Variants in EXOC4 observed in about 807,000 individuals in gnomAD.
EXOC4 encodes exocyst complex component 4.
Under a neutral mutation model 107.2 loss-of-function variants are expected in EXOC4, and 71 were observed. That is an observed-to-expected ratio of 0.66 (90% CI 0.55 to 0.81). The LOEUF is 0.81. Ranked by LOEUF, EXOC4 falls within the 30% of genes least tolerant of loss-of-function variation. The pLI, the probability that EXOC4 is intolerant of heterozygous loss-of-function variation, is 0.00. For synonymous variants in EXOC4, 456 were observed against 441.2 expected, an observed-to-expected ratio of 1.03 and a Z score of -0.42; for missense variants, 1,108 against 1,189.6, an observed-to-expected ratio of 0.93 and a Z score of 1.01.
chr7:133,979,149 G>A (rs1336023118), intron 14 of EXOC4, among the ~76,000 whole-genome samples: 3 of 152,140 alleles, frequency 2.0e-5, no homozygotes, highest in African/African-American at 7.2e-5. Flanking sequence ...GTGTTTTTAT[G>A]TATATATTAA....
At chr7:133,937,153 TTGTAACCCCC>T (rs1475022097) in intron 13 of EXOC4, among the ~76,000 whole-genome samples, 1 of 152,150 alleles carries the variant, frequency 6.6e-6, no homozygotes, top group Non-Finnish European at 1.5e-5. Context: ...GCTTCATCCT[TTGTAACCCCC>T]TGTAACTTGA....
intron 5 of EXOC4, among the ~76,000 whole-genome samples, chr7:133,329,597 T>C (rs768967842): frequency 2.0e-5 from 3 of 152,242 alleles, no homozygotes; most frequent in Non-Finnish European, 4.4e-5. Context: ...GACCTTCAGA[T>C]GGGGTCTCTG....
intron 13 of EXOC4, among the ~76,000 whole-genome samples, chr7:133,928,915 G>T (rs1361965495): frequency 1.4e-5 from 2 of 138,426 alleles, no homozygotes; most frequent in South Asian, 2.6e-4. Context: ...TTTAGAAACA[G>T]TAGTACCTTT....
chr7:133,506,043 A>T (rs1304125495), intron 9 of EXOC4, among the ~76,000 whole-genome samples: 1 of 152,192 alleles, frequency 6.6e-6, no homozygotes. Context: ...AGAGTTTTTT[A>T]AAAATGAGAG....
At chr7:133,881,169 C>T (rs1798958067) in intron 11 of EXOC4, among the ~76,000 whole-genome samples, 1 of 152,012 alleles carries the variant, frequency 6.6e-6, no homozygotes, top group African/African-American at 2.4e-5. Context: ...TGTTCAAGTA[C>T]TCTGTGTGTG....
intron 10 of EXOC4, among the ~76,000 whole-genome samples, chr7:133,723,593 G>A (rs187505246): frequency 5.3e-5 from 8 of 152,036 alleles, no homozygotes; most frequent in Admixed American, 4.6e-4. Flanking sequence ...TGGGTTCAGC[G>A]ATTCTTGTGC....
chr7:133,823,874 A>ATATATATATATATATATTT (rs1797614367), intron 11 of EXOC4, among the ~76,000 whole-genome samples: 1 of 9,082 alleles, frequency 1.1e-4, no homozygotes, highest in African/African-American at 1.3e-3. Context: ...TATATATATT[A>ATATATATATATATATATTT]TATATATATA....
intron 11 of EXOC4, among the ~76,000 whole-genome samples, chr7:133,836,404 C>G (rs904125098): frequency 3.9e-5 from 6 of 152,166 alleles, no homozygotes; most frequent in African/African-American, 1.4e-4. Context: ...GGCCCTTCTC[C>G]TTCTGGCCAA....
intron 9 of EXOC4, among the ~76,000 whole-genome samples, chr7:133,502,288 T>A (rs1169622182): frequency 6.6e-6 from 1 of 152,166 alleles, no homozygotes; most frequent in Non-Finnish European, 1.5e-5. Flanking sequence ...GGACTGATTC[T>A]TTGGTGGCCT....
intron 11 of EXOC4, among the ~76,000 whole-genome samples, chr7:133,828,841 T>G (rs1247732504): frequency 6.6e-6 from 1 of 152,224 alleles, no homozygotes; most frequent in African/African-American, 2.4e-5. Context: ...CAGAATAAAC[T>G]TAAAGCAAGA....
At chr7:133,876,475 T>G (rs1438428245) in intron 11 of EXOC4, among the ~76,000 whole-genome samples, 1 of 152,120 alleles carries the variant, frequency 6.6e-6, no homozygotes, top group Non-Finnish European at 1.5e-5. Flanking sequence ...TAGCTTAGCT[T>G]TTATCACGCT....
At chr7:133,724,105 G>T (rs1482341334) in intron 10 of EXOC4, among the ~76,000 whole-genome samples, 1 of 152,156 alleles carries the variant, frequency 6.6e-6, no homozygotes, top group East Asian at 1.9e-4. Context: ...GTTTAATGAT[G>T]ATAGATTATT....
intron 5 of EXOC4, among the ~76,000 whole-genome samples, chr7:133,351,509 A>G (rs537239386): frequency 6.6e-6 from 1 of 152,020 alleles, no homozygotes; most frequent in South Asian, 2.1e-4. Context: ...TGTTTAATTT[A>G]TTTCTCTAGA....
intron 10 of EXOC4, among the ~76,000 whole-genome samples, chr7:133,690,881 G>C (rs1794404572): frequency 6.6e-6 from 1 of 152,158 alleles, no homozygotes; most frequent in Non-Finnish European, 1.5e-5. Flanking sequence ...GATTATTTTA[G>C]TAAGGGTTGC....
intron 10 of EXOC4, among the ~76,000 whole-genome samples, chr7:133,736,643 T>C (rs1226836543): frequency 6.6e-6 from 1 of 152,174 alleles, no homozygotes; most frequent in Non-Finnish European, 1.5e-5. Flanking sequence ...TAGTGCACCA[T>C]ATTTATCCTC....
At chr7:133,885,907 G>C (rs2116472137) in intron 11 of EXOC4, among the ~76,000 whole-genome samples, 1 of 152,176 alleles carries the variant, frequency 6.6e-6, no homozygotes, top group East Asian at 1.9e-4. Context: ...AAGAGAGAGA[G>C]AAGCCTAGAG....
chr7:133,373,505 G>A (rs1026815829), intron 6 of EXOC4, among the ~76,000 whole-genome samples: 15 of 152,104 alleles, frequency 9.9e-5, no homozygotes, highest in Non-Finnish European at 2.1e-4. Flanking sequence ...ATAGTTATGG[G>A]CTGTCTCATT....
At chr7:133,724,375 A>G (rs776739318) in intron 10 of EXOC4, among the ~76,000 whole-genome samples, 7 of 152,238 alleles carry the variant, frequency 4.6e-5, no homozygotes, top group Non-Finnish European at 7.3e-5. Flanking sequence ...GCATTACTTC[A>G]TATACCTTAA....
At chr7:133,754,366 G>A (rs55939341) in intron 10 of EXOC4, among the ~76,000 whole-genome samples, 2,906 of 152,246 alleles carry the variant, frequency 0.019, 74 homozygotes, top group African/African-American at 0.059. Context: ...GAAGGAATAC[G>A]CTTGTTAGTT....
Sources: allele counts gnomAD v4.1 joint callset (sites outside exome capture counted in the v4.1 genomes callset), GRCh38; gene constraint gnomAD v4.1.1; transcripts MANE v1.5; gene names NCBI Gene and HGNC (gene_info 2026-07-23, HGNC 2026-07-21).